Variants in LHFPL3 observed in about 807,000 individuals in gnomAD.
The protein encoded by LHFPL3 is LHFPL tetraspan subfamily member 3 protein.
LHFPL3 carries 5 observed loss-of-function variants against 19.3 expected under a neutral mutation model. That is an observed-to-expected ratio of 0.26 (90% confidence interval 0.14 to 0.54). LHFPL3 has a LOEUF of 0.54. Among genes scored for constraint, LHFPL3 ranks in the 20% least tolerant of loss-of-function variants. The pLI is 0.94. For missense variants in LHFPL3, 249 were observed against 307.4 expected, an observed-to-expected ratio of 0.81 and a Z score of 1.42; for synonymous variants, 133 against 126.2, an observed-to-expected ratio of 1.05 and a Z score of -0.36.
intron 1 of LHFPL3, among the ~76,000 whole-genome samples, chr7:104,501,130 T>G (rs1181522850): frequency 6.6e-6 from 1 of 152,192 alleles, no homozygotes; most frequent in African/African-American, 2.4e-5. Flanking sequence ...TGTTTATTGA[T>G]TGAAGGAAGG....
At position 104,487,944 on chromosome 7, in the gene LHFPL3, G is replaced by A. The variant is rs184855352; in HGVS notation, c.445+158720G>A. The stretch of plus-strand genomic sequence containing the variant: ...TTCACAAACTTGGGGCTCTCTTTTT[G>A]TTGCCAAGAGAGGCTCCTTCTTGTA... On this transcript the variant is annotated intron_variant, in intron 1 of 2. Transcript: ENST00000424859. 2.0e-5 allele frequency among the ~76,000 whole-genome samples: 3 copies of A among 152,198 alleles called. No homozygotes were observed. In the East Asian group the frequency reaches 5.8e-4, roughly 29 times the overall value.
chr7:104,329,702 G>T (rs1801534581), intron 1 of LHFPL3, among the ~76,000 whole-genome samples: 1 of 152,160 alleles, frequency 6.6e-6, no homozygotes, highest in Non-Finnish European at 1.5e-5. Flanking sequence ...TCCTGGGAAA[G>T]GGGGCGGGGG....
intron 1 of LHFPL3, among the ~76,000 whole-genome samples, chr7:104,358,165 AGACT>A (rs1790320033): frequency 6.6e-6 from 1 of 152,186 alleles, no homozygotes; most frequent in South Asian, 2.1e-4. Flanking sequence ...GGGGGAGTGG[AGACT>A]GACTGCTGAG....
At chr7:104,468,574 A>C (rs1190609255) in intron 1 of LHFPL3, among the ~76,000 whole-genome samples, 2 of 151,920 alleles carry the variant, frequency 1.3e-5, no homozygotes, top group African/African-American at 4.8e-5. Flanking sequence ...TCTCAGACTG[A>C]GAGTTGCATA....
chr7:104,765,341 G>T (rs537300050), intron 2 of LHFPL3, among the ~76,000 whole-genome samples: 70 of 152,316 alleles, frequency 4.6e-4, no homozygotes, highest in Middle Eastern at 6.8e-3. Context: ...TTAAAGATCA[G>T]TGTGGACTGC....
At chr7:104,448,331 A>T (rs559332716) in intron 1 of LHFPL3, among the ~76,000 whole-genome samples, 1 of 152,286 alleles carries the variant, frequency 6.6e-6, no homozygotes, top group South Asian at 2.1e-4. Flanking sequence ...GCCAAATTTC[A>T]AGGTCTTACT....
At chr7:104,732,974 G>T (rs558897755) in intron 1 of LHFPL3, among the ~76,000 whole-genome samples, 3 of 152,144 alleles carry the variant, frequency 2.0e-5, no homozygotes, top group Admixed American at 6.5e-5. Context: ...CCTTCATTTT[G>T]TTATGTACCC....
chr7:104,807,275 C>T (rs898518174), intron 2 of LHFPL3, among the ~76,000 whole-genome samples: 30 of 152,166 alleles, frequency 2.0e-4, no homozygotes, highest in African/African-American at 5.3e-4. Context: ...GATGTTTCCA[C>T]AAGCCAAGGA....
At chr7:104,699,622 G>A (rs1246098688) in intron 1 of LHFPL3, among the ~76,000 whole-genome samples, 2 of 152,124 alleles carry the variant, frequency 1.3e-5, no homozygotes, top group Non-Finnish European at 2.9e-5. Flanking sequence ...GGTGGATGGT[G>A]GTGATGGCTG....
intron 1 of LHFPL3, among the ~76,000 whole-genome samples, chr7:104,703,316 C>T (rs1383611683): frequency 6.6e-6 from 1 of 152,128 alleles, no homozygotes; most frequent in Non-Finnish European, 1.5e-5. Context: ...AGTCCTTTAG[C>T]ATGTTTATTT....
chr7:104,457,352 G>C (rs1485568842), intron 1 of LHFPL3, among the ~76,000 whole-genome samples: 1 of 147,366 alleles, frequency 6.8e-6, no homozygotes, highest in Non-Finnish European at 1.5e-5. Flanking sequence ...TCCCACCTAT[G>C]AGTGAGAAAA....
Position 104,830,126 on chromosome 7 carries a change from CTTCTT to C in LHFPL3, c.683-76058_683-76054del, listed in dbSNP as rs1419993841. Reference sequence around the variant, plus strand: ...ATGTGTCTTTTGGCTGCATAAATGTCTTCTTTTGAGAAGTGTCTCTTCATATCCTT... The same window carrying C: ...ATGTGTCTTTTGGCTGCATAAATGTCTTGAGAAGTGTCTCTTCATATCCTT... On this transcript the variant is annotated intron_variant, in intron 2 of 2. Coordinates refer to ENST00000424859, the MANE Select transcript of LHFPL3 (RefSeq NM_199000.3). Among the ~76,000 whole-genome samples the C allele has an allele frequency of 4.9e-3, 750 of 152,006 alleles. 18 individuals carry two copies. The highest frequency in any genetic ancestry group is 0.017 in the African/African-American group (719 of 41,280).
intron 2 of LHFPL3, among the ~76,000 whole-genome samples, chr7:104,874,756 G>A (rs940551921): frequency 2.0e-5 from 3 of 151,998 alleles, no homozygotes; most frequent in Admixed American, 2.0e-4. Context: ...GGTTTCAAGA[G>A]GCCCTCAGAG....
intron 2 of LHFPL3, among the ~76,000 whole-genome samples, chr7:104,837,161 A>G (rs370012640): frequency 6.6e-6 from 1 of 152,200 alleles, no homozygotes; most frequent in African/African-American, 2.4e-5. Flanking sequence ...TTGTCTCTAA[A>G]GGAAGGAACT....
chr7:104,577,874 A>G (rs1028858004), intron 1 of LHFPL3, among the ~76,000 whole-genome samples: 10 of 152,218 alleles, frequency 6.6e-5, no homozygotes, highest in Admixed American at 6.5e-5. Flanking sequence ...AAGTGCTTAA[A>G]GCATCTCCAC....
At chr7:104,370,750 C>T (rs920702331) in intron 1 of LHFPL3, among the ~76,000 whole-genome samples, 5 of 152,086 alleles carry the variant, frequency 3.3e-5, no homozygotes, top group South Asian at 4.2e-4. Flanking sequence ...GGTGTGGTGG[C>T]GGGCGCCTGT....
chr7:104,667,804 A>G, intron 1 of LHFPL3: 1 of 1,604,142 alleles, frequency 6.2e-7, no homozygotes, highest in East Asian at 2.2e-5. Context: ...TCCCTAACAG[A>G]CTTTCTGGCT....
intron 1 of LHFPL3, among the ~76,000 whole-genome samples, chr7:104,482,588 G>A (rs1793158294): frequency 6.6e-6 from 1 of 152,312 alleles, no homozygotes; most frequent in South Asian, 2.1e-4. Flanking sequence ...GTGTAATAGA[G>A]TGAGTCAGTC....
intron 1 of LHFPL3, among the ~76,000 whole-genome samples, chr7:104,459,424 G>A (rs947205452): frequency 1.3e-5 from 2 of 152,206 alleles, no homozygotes; most frequent in Admixed American, 6.5e-5. Flanking sequence ...CTTCAGAGGA[G>A]TCAAGATAAT....
Sources: gnomAD v4.1 joint callset for allele counts (sites outside exome capture counted in the v4.1 genomes callset) on GRCh38, gnomAD v4.1.1 for gene constraint, MANE v1.5 for transcripts, NCBI Gene and HGNC (gene_info 2026-07-23, HGNC 2026-07-21) for gene names.